ADAM22: variants seen among roughly 807,000 people sequenced by gnomAD.
The protein encoded by ADAM22 is ADAM metallopeptidase domain 22.
Under a neutral mutation model 144.6 loss-of-function variants are expected in ADAM22, and 65 were observed. The ratio of observed to expected loss-of-function variants is 0.45; its 90% confidence interval spans 0.37 to 0.55. The LOEUF (loss-of-function observed/expected upper bound fraction) is 0.55. Among genes scored for constraint, ADAM22 ranks in the 20% least tolerant of loss-of-function variants. The probability of loss-of-function intolerance (pLI) is 0.00; values close to 1 mark genes in which losing one functional copy is unlikely to be tolerated. For missense variants in ADAM22, 974 were observed against 1,184.9 expected (o/e 0.82, Z 2.61); for synonymous variants, 391 against 412.6 (o/e 0.95, Z 0.63).
chr7:87,937,383 A>C (rs1473450691), intron 2 of ADAM22, among the ~76,000 whole-genome samples: 1 of 152,146 alleles, frequency 6.6e-6, no homozygotes, highest in Non-Finnish European at 1.5e-5. Flanking sequence ...GCTCAGAGTC[A>C]AGATTTTGCT....
intron 3 of ADAM22, among the ~76,000 whole-genome samples, chr7:88,045,952 T>C (rs1804589909): frequency 6.7e-6 from 1 of 149,706 alleles, no homozygotes. Flanking sequence ...CTGTTTTCTT[T>C]ATCCATTCAT....
chr7:88,181,679 CTT>C, intron 28 of ADAM22, 74 bp downstream of exon 28: 1 of 1,291,128 alleles, frequency 7.7e-7, no homozygotes, highest in Non-Finnish European at 1.1e-6. Flanking sequence ...GTTGTAAAGA[CTT>C]TTATTTCTTT....
intron 4 of ADAM22, among the ~76,000 whole-genome samples, chr7:88,077,847 A>C (rs545709262): frequency 0.018 from 2,697 of 152,282 alleles, 31 homozygotes; most frequent in Non-Finnish European, 0.026. Context: ...GCAGCCCAGA[A>C]GCTCGAACTG....
chr7:87,939,087 T>C (rs532396310), intron 2 of ADAM22, among the ~76,000 whole-genome samples: 98 of 152,342 alleles, frequency 6.4e-4, no homozygotes, highest in African/African-American at 2.3e-3. Context: ...TAAACAGTTA[T>C]ACTTTGCCTT....
rs528580872 is a variant in ADAM22, at chr7:88,181,523, T to G, written c.2514T>G (p.His838Gln). ...ATTTCAGGTCAAATGGGCTCTCTCATTCTTGGAGTGAAAGGATTCCAGACA... is the reference window on the plus strand; with the variant it reads ...ATTTCAGGTCAAATGGGCTCTCTCAGTCTTGGAGTGAAAGGATTCCAGACA... ...LFCSRSNGLS[H>Q]SWSERIPDTK... The change falls in exon 28 of 32, where the codon CAT becomes CAG. Residue 838 changes from histidine to glutamine, a missense_variant. His to Gln is a conservative substitution (Grantham distance 24). Around this residue, in one of 2 missense-constraint regions of ADAM22, gnomAD observed 734 missense variants for 950.6 expected, o/e 0.77. Transcript: ENST00000413139. 4.3e-6 allele frequency: 7 copies of G among 1,613,618 alleles called. No individual in the cohort carries two copies. Among genetic ancestry groups the G allele is most frequent in the Non-Finnish European group, 5.9e-6 (7 of 1,179,746 alleles).
chr7:87,935,334 C>A, intron 2 of ADAM22, 148 bp downstream of exon 2: 4 of 964,576 alleles, frequency 4.1e-6, no homozygotes, highest in Non-Finnish European at 5.9e-6. Flanking sequence ...GCTCCCTGTG[C>A]AAAAAAGAAG....
At chr7:87,971,182 A>G (rs1428173832) in intron 2 of ADAM22, among the ~76,000 whole-genome samples, 1 of 152,210 alleles carries the variant, frequency 6.6e-6, no homozygotes, top group Non-Finnish European at 1.5e-5. Flanking sequence ...TGGAAATGGA[A>G]TTCTAAAGAT....
rs750486124 is a variant in ADAM22 at position 88,168,120 on chromosome 7, C to CT, written c.2192-9dup. ...TTTATACCACTGATCTTCCTTCTTT[C>CT]TTTTTTTTCCTCTCAGGTGTTGCTG... On this transcript the variant is annotated splice_polypyrimidine_tract_variant and intron_variant, in intron 24 of 31. Transcript: ENST00000413139. The CT allele has an allele frequency of 6.2e-6, 10 of 1,606,748 alleles. No homozygotes were observed. The highest frequency in any genetic ancestry group is 1.7e-4 in the Middle Eastern group (1 of 6,060).
At chr7:88,138,222 G>A (rs148825711) in intron 14 of ADAM22, among the ~76,000 whole-genome samples, 281 of 152,242 alleles carry the variant, frequency 1.8e-3, no homozygotes, top group African/African-American at 6.5e-3. Context: ...GACAGGAAAT[G>A]ATAAAAGTTC....
intron 3 of ADAM22, among the ~76,000 whole-genome samples, chr7:88,073,012 G>T (rs558944924): frequency 1.3e-5 from 2 of 152,290 alleles, no homozygotes; most frequent in Admixed American, 6.5e-5. Context: ...GACAAAAAAA[G>T]AGACAATTTT....
intron 3 of ADAM22, among the ~76,000 whole-genome samples, chr7:87,992,252 T>C (rs983057294): frequency 6.6e-6 from 1 of 152,242 alleles, no homozygotes; most frequent in Admixed American, 6.5e-5. Flanking sequence ...AACAAGGATA[T>C]AGCGATATGA....
chr7:87,977,649 T>A (rs546963174), intron 2 of ADAM22, among the ~76,000 whole-genome samples: 3 of 152,324 alleles, frequency 2.0e-5, no homozygotes, highest in Admixed American at 2.0e-4. Context: ...TATGCAAATA[T>A]TAGTGCTATG....
At chr7:88,077,800 G>A (rs1195375821) in intron 4 of ADAM22, among the ~76,000 whole-genome samples, 1 of 152,188 alleles carries the variant, frequency 6.6e-6, no homozygotes, top group East Asian at 1.9e-4. Context: ...TGGGGGAGGG[G>A]CGCTCACCAT....
chr7:88,193,008 G>A (rs532969010), intron 30 of ADAM22, 108 bp from the exon 31 acceptor site: 129 of 1,304,378 alleles, frequency 9.9e-5, no homozygotes, highest in Middle Eastern at 5.8e-4. Flanking sequence ...TTGCAGTAGT[G>A]GTATATGAAA....
At chr7:88,057,591 A>G (rs1808632328) in intron 3 of ADAM22, among the ~76,000 whole-genome samples, 2 of 152,252 alleles carry the variant, frequency 1.3e-5, no homozygotes, top group South Asian at 4.1e-4. Flanking sequence ...ATAATAAGGA[A>G]AAAAGCCCAT....
chr7:88,142,718 G>C (rs187386989), intron 14 of ADAM22, among the ~76,000 whole-genome samples: 1 of 151,794 alleles, frequency 6.6e-6, no homozygotes, highest in Admixed American at 6.6e-5. Flanking sequence ...GGCGCCTGTA[G>C]TCCCAGCTAC....
Position 87,934,266 on chromosome 7 carries a change from C to T in ADAM22, c.-200C>T. On this transcript the variant is annotated 5_prime_UTR_variant, in exon 1 of 32. Transcript: ENST00000413139. The stretch of plus-strand genomic sequence containing the variant: ...CCAATGCAGCACTCGCTCGCTCCCC[C>T]CGCCAGCGGAAGCGTCCGCGAAGCA... 1 of 514,468 alleles carries T rather than the reference C, an allele frequency of 1.9e-6. No individual in the cohort carries two copies. The highest frequency in any genetic ancestry group is 3.4e-6 in the Non-Finnish European group (1 of 297,674). 31.9% of individuals were successfully genotyped at this position (514,468 alleles called of 1,614,324 possible).
At chr7:88,123,802 A>G (rs1429530390) in intron 7 of ADAM22, among the ~76,000 whole-genome samples, 1 of 151,712 alleles carries the variant, frequency 6.6e-6, no homozygotes, top group Non-Finnish European at 1.5e-5. Context: ...TTGCCTTGTC[A>G]TATTTTTATT....
At chr7:88,194,107 T>G (rs1297293650) in intron 31 of ADAM22, among the ~76,000 whole-genome samples, 1 of 152,236 alleles carries the variant, frequency 6.6e-6, no homozygotes, top group Non-Finnish European at 1.5e-5. Flanking sequence ...TACCTAGTTG[T>G]TCATGATGTC....
Sources: gnomAD v4.1 joint callset for allele counts (sites outside exome capture counted in the v4.1 genomes callset) on GRCh38, gnomAD v4.1.1 for gene constraint, gnomAD v4.1.1 regional missense constraint, MANE v1.5 for transcripts, NCBI Gene and HGNC (gene_info 2026-07-23, HGNC 2026-07-21) for gene names.